The following NXPE1 variants were observed in gnomAD, a reference collection of about 807,000 sequenced individuals.
NXPE1 encodes NXPE family member 1.
Under a neutral mutation model 33.3 loss-of-function variants are expected in NXPE1, and 31 were observed. The observed-to-expected ratio is 0.93, with a 90% CI of 0.70 to 1.26. The LOEUF is 1.26. NXPE1 is among the 50% of genes most tolerant of loss of function. The pLI is 0.00. For synonymous variants in NXPE1, 229 were observed against 231.4 expected (o/e 0.99, Z 0.09); for missense variants, 661 against 655.6 (o/e 1.01, Z -0.09).
chr11:114,533,638 A>G (rs1004468346), intron 5 of NXPE1, among the ~76,000 whole-genome samples: 2 of 152,344 alleles, frequency 1.3e-5, no homozygotes, highest in African/African-American at 2.4e-5. Flanking sequence ...AGGAGATTAT[A>G]TCCCGCACCT....
intron 1 of NXPE1, among the ~76,000 whole-genome samples, chr11:114,558,098 A>G (rs1374433808): frequency 4.6e-5 from 7 of 152,036 alleles, no homozygotes; most frequent in African/African-American, 1.4e-4. Flanking sequence ...TAGCTTTTCT[A>G]GTTGCTCTCA....
Position 114,536,758 on chromosome 11 carries a change from A to G in NXPE1, c.100-5850T>C, listed in dbSNP as rs1203912009. On this transcript the variant is annotated intron_variant, in intron 5 of 8. Coordinates refer to ENST00000534921, the Ensembl canonical transcript of NXPE1. Reference sequence around the variant, plus strand: ...AAGAAGTTAAATCTCTGAATAGACCAATAACAGGCTCTGAAATTGAGGCAA... The same window carrying G: ...AAGAAGTTAAATCTCTGAATAGACCGATAACAGGCTCTGAAATTGAGGCAA... 2.0e-5 allele frequency among the ~76,000 whole-genome samples: 3 copies of G among 152,368 alleles called. No homozygotes were observed. In the East Asian group the frequency reaches 5.8e-4, roughly 29 times the overall value.
At chr11:114,546,622 T>C (rs1342894170) in intron 5 of NXPE1, among the ~76,000 whole-genome samples, 1 of 151,878 alleles carries the variant, frequency 6.6e-6, no homozygotes, top group African/African-American at 2.4e-5. Flanking sequence ...AGCGCTGTCT[T>C]CTGAGAGGGC....
chr11:114,523,079 A>G, exon 8 of NXPE1: 1 of 1,612,120 alleles, frequency 6.2e-7, no homozygotes, highest in Non-Finnish European at 8.5e-7. Flanking sequence ...TGTCTCTTCT[A>G]TTTTTTCTCT....
At chr11:114,554,105 C>T in intron 1 of NXPE1, 1 of 985,418 alleles carries the variant, frequency 1.0e-6, no homozygotes, top group Non-Finnish European at 1.2e-6. Context: ...CACTTGTCTC[C>T]TCTCCTTATG....
chr11:114,536,975 A>C (rs1947853331), intron 5 of NXPE1, among the ~76,000 whole-genome samples: 1 of 152,236 alleles, frequency 6.6e-6, no homozygotes, highest in Middle Eastern at 3.4e-3. Context: ...GAGACACAAC[A>C]AAAAAAGAGA....
At chr11:114,534,068 G>A (rs1947695921) in intron 5 of NXPE1, among the ~76,000 whole-genome samples, 1 of 152,150 alleles carries the variant, frequency 6.6e-6, no homozygotes, top group Non-Finnish European at 1.5e-5. Flanking sequence ...ACACTGCCGG[G>A]TACTCCTCTG....
intron 5 of NXPE1, among the ~76,000 whole-genome samples, chr11:114,533,412 C>T (rs1292853599): frequency 1.3e-5 from 2 of 152,182 alleles, no homozygotes; most frequent in African/African-American, 4.8e-5. Context: ...CTTGGTTCAT[C>T]TCATGGGGAG....
At chr11:114,552,583 A>G (rs1395008598) in intron 2 of NXPE1, among the ~76,000 whole-genome samples, 4 of 146,424 alleles carry the variant, frequency 2.7e-5, no homozygotes, top group East Asian at 3.9e-4. Flanking sequence ...CAATAGGACA[A>G]AGAAGAAGAA....
chr11:114,524,606 C>G (rs565037462), intron 7 of NXPE1, among the ~76,000 whole-genome samples: 86 of 151,994 alleles, frequency 5.7e-4, no homozygotes, highest in African/African-American at 2.1e-3. Flanking sequence ...AGCATTGCAC[C>G]CTAGATGATT....
chr11:114,543,061 C>T (rs961719778), intron 5 of NXPE1, among the ~76,000 whole-genome samples: 4 of 152,032 alleles, frequency 2.6e-5, no homozygotes, highest in South Asian at 2.1e-4. Flanking sequence ...TTGAGACCAG[C>T]CTGGGCAAAT....
chr11:114,543,410 G>A (rs1017812703), intron 5 of NXPE1, among the ~76,000 whole-genome samples: 4 of 149,640 alleles, frequency 2.7e-5, no homozygotes, highest in Non-Finnish European at 5.9e-5. Flanking sequence ...GGTGGTATGT[G>A]CCTGTAGCCC....
intron 7 of NXPE1, among the ~76,000 whole-genome samples, chr11:114,524,341 C>T (rs1947303648): frequency 6.6e-6 from 1 of 152,198 alleles, no homozygotes. Context: ...TTCTGCTTTA[C>T]CCTCCTTGCT....
intron 1 of NXPE1, chr11:114,554,139 A>C (rs1296946306): frequency 4.1e-6 from 4 of 985,360 alleles, no homozygotes; most frequent in Non-Finnish European, 3.6e-6. Context: ...ATCCTCAGAC[A>C]GGATTGAATC....
At chr11:114,521,460 A>G (rs2134885360), downstream of NXPE1, among the ~76,000 whole-genome samples, 1 of 152,316 alleles carries the variant, frequency 6.6e-6, no homozygotes, top group Admixed American at 6.5e-5. Flanking sequence ...GCTTTCTGGC[A>G]TAACAAGATG....
At chr11:114,548,619 A>G (rs1565313429) in intron 5 of NXPE1, among the ~76,000 whole-genome samples, 1 of 152,194 alleles carries the variant, frequency 6.6e-6, no homozygotes, top group East Asian at 1.9e-4. Context: ...AGTAACTATA[A>G]TTAATGCATA....
At chr11:114,525,378 TAAAAAG>T (rs896584288) in intron 7 of NXPE1, among the ~76,000 whole-genome samples, 9 of 151,984 alleles carry the variant, frequency 5.9e-5, no homozygotes, top group Middle Eastern at 6.8e-3. Flanking sequence ...GCAGAAGATA[TAAAAAG>T]AAAAACAAGT....
intron 5 of NXPE1, among the ~76,000 whole-genome samples, chr11:114,549,482 G>T (rs1214193282): frequency 6.6e-6 from 1 of 151,942 alleles, no homozygotes; most frequent in Non-Finnish European, 1.5e-5. Flanking sequence ...TACAGCTAAT[G>T]TGAGGAATTA....
intron 6 of NXPE1, chr11:114,528,696 T>G: frequency 2.1e-6 from 1 of 470,992 alleles, no homozygotes; most frequent in Non-Finnish European, 3.9e-6. Flanking sequence ...CACACTTTGT[T>G]TCAAACCTCT....
Sources: gnomAD v4.1 joint callset for allele counts (sites outside exome capture counted in the v4.1 genomes callset) on GRCh38, gnomAD v4.1.1 for gene constraint, MANE v1.5 for transcripts, NCBI Gene and HGNC (gene_info 2026-07-23, HGNC 2026-07-21) for gene names.